Variants in MED13 observed in about 807,000 individuals in gnomAD.
MED13 encodes the protein mediator of RNA polymerase II transcription subunit 13.
In MED13, 23 loss-of-function variants were observed where a neutral mutation model predicts 225.2. The observed-to-expected ratio is 0.10, with a 90% CI of 0.07 to 0.14. The LOEUF is 0.14. Ranked by LOEUF, MED13 falls within the 10% of genes least tolerant of loss-of-function variation. The pLI, the probability that MED13 is intolerant of heterozygous loss-of-function variation, is 1.00. For synonymous variants in MED13, 942 were observed against 889.2 expected, an observed-to-expected ratio of 1.06 and a Z score of -1.06; for missense variants, 2,197 against 2,594.5, an observed-to-expected ratio of 0.85 and a Z score of 3.33.
intron 29 of MED13, 152 bp downstream of exon 29, chr17:61,946,765 T>C (rs2079854656): frequency 9.5e-7 from 1 of 1,057,058 alleles, no homozygotes; most frequent in Non-Finnish European, 1.4e-6. Context: ...TTCTCAAAAG[T>C]AGATTACTCA....
intron 3 of MED13, among the ~76,000 whole-genome samples, chr17:62,043,156 C>CAAAAAAAAAAAAAAAAAAAAAAAAAA (rs764530614): frequency 3.2e-4 from 10 of 31,670 alleles, no homozygotes; most frequent in Middle Eastern, 0.05. Context: ...ACCCTGTCTC[C>CAAAAAAAAAAAAAAAAAAAAAAAAAA]AAAAAAAAAA....
rs1176548511 is a variant in MED13 at position 61,946,027 on chromosome 17, A to C, written c.*441T>G. ...ATACATTTAAAAACTTACAATAAAT[A>C]AGAGAAGAGATGCAGGCATTTTTGA... On this transcript the variant is annotated 3_prime_UTR_variant, in exon 30 of 30. Coordinates refer to ENST00000397786, the MANE Select transcript of MED13 (RefSeq NM_005121.3). 1 of 152,906 alleles carries C rather than the reference A, an allele frequency of 6.5e-6. No homozygotes were observed. The highest frequency in any genetic ancestry group is 1.9e-4 in the East Asian group (1 of 5,214). 9.5% of individuals were successfully genotyped at this position (152,906 alleles called of 1,614,324 possible).
intron 9 of MED13, among the ~76,000 whole-genome samples, chr17:61,998,925 CTTTTTTTTT>C (rs10617153): frequency 9.6e-6 from 1 of 103,864 alleles, no homozygotes; most frequent in Non-Finnish European, 1.9e-5. Flanking sequence ...TTAAATGGTA[CTTTTTTTTT>C]TTTTTTTTTT....
chr17:62,024,458 TAA>T (rs2080680099), intron 8 of MED13, among the ~76,000 whole-genome samples: 1 of 152,174 alleles, frequency 6.6e-6, no homozygotes, highest in Non-Finnish European at 1.5e-5. Context: ...TCAAAAAGAA[TAA>T]AAAAGTCTAG....
intron 26 of MED13, 85 bp from the exon 27 acceptor site, chr17:61,953,198 T>C (rs2079911819): frequency 7.2e-7 from 1 of 1,388,842 alleles, no homozygotes; most frequent in Non-Finnish European, 9.6e-7. Context: ...ATAAATGAAA[T>C]TTTAACCAAA....
At chr17:62,030,106 G>C in intron 6 of MED13, 93 bp from the exon 7 acceptor site, 1 of 1,121,236 alleles carries the variant, frequency 8.9e-7, no homozygotes, top group South Asian at 2.6e-5. Context: ...GATACAAGCT[G>C]CTCCAGCTAT....
chr17:62,023,774 G>A (rs1292696613), intron 8 of MED13, among the ~76,000 whole-genome samples: 2 of 152,242 alleles, frequency 1.3e-5, no homozygotes, highest in Admixed American at 1.3e-4. Context: ...TGGCAAAGAG[G>A]ATACACATGT....
intron 12 of MED13, among the ~76,000 whole-genome samples, chr17:61,985,780 G>A (rs1195334024): frequency 1.3e-5 from 2 of 152,168 alleles, no homozygotes; most frequent in Non-Finnish European, 2.9e-5. Flanking sequence ...TCCTTAAGTT[G>A]AACACATTAA....
intron 3 of MED13, among the ~76,000 whole-genome samples, chr17:62,050,733 G>A (rs1316187119): frequency 6.6e-6 from 1 of 152,206 alleles, no homozygotes. Flanking sequence ...GCTGGGAGCA[G>A]TGGCTCACGC....
chr17:62,057,179 T>C (rs146081388), intron 2 of MED13, among the ~76,000 whole-genome samples: 303 of 152,292 alleles, frequency 2.0e-3, no homozygotes, highest in African/African-American at 6.5e-3. Flanking sequence ...GAATAATGGC[T>C]CAAAAATTAA....
chr17:62,048,052 A>ATATG (rs2080916440), intron 3 of MED13, among the ~76,000 whole-genome samples: 1 of 146,050 alleles, frequency 6.8e-6, no homozygotes, highest in Non-Finnish European at 1.5e-5. Flanking sequence ...ACATATATAT[A>ATATG]TATATATATA....
At chr17:62,007,896 A>G (rs1006739122) in intron 9 of MED13, among the ~76,000 whole-genome samples, 1 of 150,958 alleles carries the variant, frequency 6.6e-6, no homozygotes, top group African/African-American at 2.4e-5. Flanking sequence ...GTGCGCACCT[A>G]TAGTCCCAGC....
At position 61,984,584 on chromosome 17, in the gene MED13, T is replaced by C. The variant is rs146201826; in HGVS notation, c.2691+67A>G. 7.7e-4 allele frequency: 1,056 copies of C among 1,377,776 alleles called. 5 individuals are homozygous for C. In the African/African-American group the frequency reaches 0.012, roughly 16 times the overall value. The allele number at this position is 1,377,776 out of a possible 1,614,324, so 85.3% of individuals were successfully genotyped here. A position where few individuals can be genotyped will look rare whatever the true frequency, so the allele number is the denominator to read the frequency against. ...ACCACTATAAAATAATTTTTGACTA[T>C]AGCAACAAATTAATTCTATAAGAAA... On this transcript the variant is annotated intron_variant, in intron 14 of 29. Transcript: ENST00000397786.
chr17:62,031,680 T>A, intron 5 of MED13, 42 bp from the exon 6 acceptor site: 1 of 1,360,052 alleles, frequency 7.4e-7, no homozygotes, highest in Non-Finnish European at 9.8e-7. Context: ...ATTACCTTTG[T>A]GACTAGTGAA....
chr17:62,034,607 A>G (rs1603406139), intron 4 of MED13, among the ~76,000 whole-genome samples: 2 of 152,188 alleles, frequency 1.3e-5, no homozygotes, highest in African/African-American at 4.8e-5. Flanking sequence ...TCTAAGAAAA[A>G]GCAATCTGAG....
intron 8 of MED13, among the ~76,000 whole-genome samples, chr17:62,021,457 G>A (rs1009518353): frequency 1.1e-4 from 17 of 148,322 alleles, no homozygotes; most frequent in African/African-American, 2.7e-4. Flanking sequence ...GCGGCTGGCC[G>A]GGCAGAGGGG....
Position 62,008,016 on chromosome 17 carries a change from C to CAAAAAAAAAAAAAAAAA in MED13, c.1967+2517_1967+2533dup, listed in dbSNP as rs60236710. On this transcript the variant is annotated intron_variant, in intron 9 of 29. Coordinates refer to ENST00000397786, the MANE Select transcript of MED13 (RefSeq NM_005121.3). ...CCTGGAGGAAAGAGCGAGACTGTCTCAAAAAAAAAAAAAAAAAAAAGCTGT... is the reference window on the plus strand; with the variant it reads ...CCTGGAGGAAAGAGCGAGACTGTCTCAAAAAAAAAAAAAAAAAAAAAAAAAAAAAAAAAAAAAGCTGT... 1.3e-3 allele frequency among the ~76,000 whole-genome samples: 64 copies of CAAAAAAAAAAAAAAAAA among 50,502 alleles called. 3 individuals carry two copies. Among genetic ancestry groups the CAAAAAAAAAAAAAAAAA allele is most frequent in the African/African-American group, 4.3e-3 (63 of 14,688 alleles). 33.1% of individuals were successfully genotyped at this position (50,502 alleles called of 152,430 possible). A position where few individuals can be genotyped will look rare whatever the true frequency, so the allele number is the denominator to read the frequency against.
At chr17:62,007,777 G>A (rs1289388395) in intron 9 of MED13, among the ~76,000 whole-genome samples, 1 of 152,222 alleles carries the variant, frequency 6.6e-6, no homozygotes. Context: ...GAACCCGGGA[G>A]GCGGAACTTG....
chr17:61,958,058 G>A (rs1001853273), intron 23 of MED13, among the ~76,000 whole-genome samples: 2 of 151,208 alleles, frequency 1.3e-5, no homozygotes, highest in Non-Finnish European at 3.0e-5. Flanking sequence ...TAGAGATGGG[G>A]TTTCACTGTG....
Sources: allele counts gnomAD v4.1 joint callset (sites outside exome capture counted in the v4.1 genomes callset), GRCh38; gene constraint gnomAD v4.1.1; transcripts MANE v1.5; gene names NCBI Gene and HGNC (gene_info 2026-07-23, HGNC 2026-07-21).